The following DOCK6 variants were observed in gnomAD, a reference collection of about 807,000 sequenced individuals.
DOCK6 encodes dedicator of cytokinesis protein 6.
Under a neutral mutation model 230.3 loss-of-function variants are expected in DOCK6, and 167 were observed. The ratio of observed to expected loss-of-function variants is 0.73; its 90% CI spans 0.64 to 0.82. DOCK6 has a LOEUF of 0.82. Among genes scored for constraint, DOCK6 ranks in the 40% least tolerant of loss-of-function variants. DOCK6 has a pLI of 0.00. For synonymous variants in DOCK6, 1,148 were observed against 1,185.0 expected, an observed-to-expected ratio of 0.97 and a Z score of 0.64; for missense variants, 2,598 against 2,825.8, an observed-to-expected ratio of 0.92 and a Z score of 1.83.
At position 11,236,223 on chromosome 19, in the gene DOCK6, G is replaced by A. The variant is rs2079845157; in HGVS notation, c.2392+123C>T. Reference sequence around the variant, plus strand: ...CTTCTCTGGGTGCAGGGGACTGGAGGTCATTTTTCAGATGAGAAAAATGGC... The same window carrying A: ...CTTCTCTGGGTGCAGGGGACTGGAGATCATTTTTCAGATGAGAAAAATGGC... On this transcript the variant is annotated intron_variant, in intron 20 of 47. Transcript: ENST00000294618. This position sits in a 1 kb window ranked among gnomAD's most constrained non-coding sequence, Gnocchi z 5.2. 1.0e-6 allele frequency: 1 copy of A among 970,512 alleles called. No individual in the cohort carries two copies. The highest frequency in any genetic ancestry group is 1.5e-6 in the Non-Finnish European group (1 of 665,316). 60.1% of individuals were successfully genotyped at this position (970,512 alleles called of 1,614,324 possible). A position where few individuals can be genotyped will look rare whatever the true frequency, so the allele number is the denominator to read the frequency against.
Position 11,201,770 on chromosome 19 carries a change from G to A in DOCK6, c.5688+119C>T. The A allele has an allele frequency of 2.1e-6, 2 of 942,522 alleles. No individual in the cohort carries two copies. Among genetic ancestry groups the A allele is most frequent in the South Asian group, 3.2e-5 (2 of 62,120 alleles). The allele number at this position is 942,522 out of a possible 1,614,324, so 58.4% of individuals were successfully genotyped here. On this transcript the variant is annotated intron_variant, in intron 44 of 47. Coordinates refer to ENST00000294618, the MANE Select transcript of DOCK6 (RefSeq NM_020812.4). This position sits in a 1 kb window ranked among gnomAD's most constrained non-coding sequence, Gnocchi z 4.3. ...TAGGGTCCCTGTGCCACCCCTCTCT[G>A]GGTCTGAGGTCCGTGAACCACCTTG...
chr19:11,233,498 G>T, intron 21 of DOCK6, 132 bp from the exon 22 acceptor site: 1 of 1,169,568 alleles, frequency 8.6e-7, no homozygotes, highest in Non-Finnish European at 1.2e-6. Context: ...TATAAAATAG[G>T]CATAATGGCT....
intron 28 of DOCK6, chr19:11,221,581 T>G: frequency 4.1e-6 from 2 of 487,330 alleles, no homozygotes; most frequent in Non-Finnish European, 7.3e-6. Flanking sequence ...CCATCTATTG[T>G]AGGCTGACAA....
intron 1 of DOCK6, among the ~76,000 whole-genome samples, chr19:11,258,959 C>A (rs11671207): frequency 1.3e-5 from 2 of 151,464 alleles, no homozygotes; most frequent in Non-Finnish European, 2.9e-5. Flanking sequence ...GTTTCACCAT[C>A]TACAGACCCG....
rs772779851 is a variant in DOCK6, at chr19:11,200,304, G to A, written c.6101+4C>T. On this transcript the variant is annotated splice_donor_region_variant and intron_variant, in intron 47 of 47. Transcript: ENST00000294618. The surrounding 1 kb of genome is among the most constrained non-coding windows in gnomAD (Gnocchi z 4.3). Reference sequence around the variant, plus strand: ...CTCTAGGATGGGGGCACTAGGTCAGGCACCTGAGGCCGGGTGGGGTGGGTG... The same window carrying A: ...CTCTAGGATGGGGGCACTAGGTCAGACACCTGAGGCCGGGTGGGGTGGGTG... The A allele has an allele frequency of 3.2e-6, 5 of 1,559,710 alleles. No individual in the cohort carries two copies. Among genetic ancestry groups the A allele is most frequent in the Non-Finnish European group, 4.3e-6 (5 of 1,151,946 alleles).
Position 11,235,636 on chromosome 19 carries a change from G to A in DOCK6, c.2516C>T (p.Ala839Val). 1 of 1,604,382 alleles carries A rather than the reference G, an allele frequency of 6.2e-7. No homozygotes were observed. Residue 839 changes from alanine (A) to valine (V), a missense_variant, in exon 21 of 48, where the codon GCC becomes GTC. Ala to Val is a moderately conservative substitution (Grantham distance 64). Transcript: ENST00000294618. ...GGGCTCAGTGCCAGGAAGGCGAAAG[G>A]CGTAGTGGACGTAGGCAGCCAGCTG... ...CPQLAAYVHYAFRLPGTEPSL... is the reference protein window; with the variant it reads ...CPQLAAYVHYVFRLPGTEPSL...
At chr19:11,233,509 G>C in intron 21 of DOCK6, 143 bp from the exon 22 acceptor site, 1 of 1,090,594 alleles carries the variant, frequency 9.2e-7, no homozygotes, top group Non-Finnish European at 1.3e-6. Flanking sequence ...CATAATGGCT[G>C]CCGCCTCACA....
At chr19:11,255,877 C>T (rs1198448570) in intron 1 of DOCK6, among the ~76,000 whole-genome samples, 10 of 152,152 alleles carry the variant, frequency 6.6e-5, no homozygotes, top group Non-Finnish European at 1.5e-4. Context: ...AGCTCCGCCT[C>T]CCGGGTTCAC....
chr19:11,243,136 C>A lies in DOCK6; in HGVS notation c.1403G>T (p.Ser468Ile). 3 of 1,613,958 alleles carry A rather than the reference C, an allele frequency of 1.9e-6. No homozygotes were observed. Among genetic ancestry groups the A allele is most frequent in the Non-Finnish European group, 2.5e-6 (3 of 1,179,846 alleles). The change falls in exon 13 of 48, where the codon AGT (serine) becomes ATT (isoleucine). Residue 468 changes from serine to isoleucine, a missense_variant. By Grantham distance (142) the Ser-to-Ile change is moderately radical. Coordinates refer to ENST00000294618, the MANE Select transcript of DOCK6 (RefSeq NM_020812.4). The surrounding 1 kb of genome is among the most constrained non-coding windows in gnomAD (Gnocchi z 6.3). ...NFFKQEAERL[S>I]DEDLFKFLAD... ...CAGGAACTTGAAGAGGTCCTCGTCACTGAGTCGCTCAGCCTCCTACATGGG... is the reference window on the plus strand; with the variant it reads ...CAGGAACTTGAAGAGGTCCTCGTCAATGAGTCGCTCAGCCTCCTACATGGG...
rs181360215 is a variant in DOCK6, at chr19:11,242,857, T to C, written c.1480+202A>G. Among the ~76,000 whole-genome samples the C allele has an allele frequency of 6.6e-4, 101 of 152,282 alleles. 2 individuals are homozygous for C. The East Asian group carries it at 0.014, about 21-fold the overall frequency. On this transcript the variant is annotated intron_variant, in intron 13 of 47. Transcript: ENST00000294618. ...TGCCCCGCTGCCATTAACCACCTAT[T>C]GACGCTGTATCCATCTTATTTATTC...
rs750382885 is a variant in DOCK6 at position 11,237,458 on chromosome 19, C to T, written c.2071G>A (p.Asp691Asn). Residue 691 changes from aspartate to asparagine, a missense_variant and splice_region_variant, in exon 18 of 48, where the codon GAT becomes AAT. Transcript: ENST00000294618. Reference sequence around the variant, plus strand: ...GGCAGGAGCTCCAGGGCACATACATCGGGTGTGAGCACGGAATAGCTGGGC... The same window carrying T: ...GGCAGGAGCTCCAGGGCACATACATTGGGTGTGAGCACGGAATAGCTGGGC... ...PPPSYSVLTP[D>N]VALPGMRWVD... The T allele has an allele frequency of 5.0e-6, 8 of 1,613,506 alleles. No homozygotes were observed. Among genetic ancestry groups the T allele is most frequent in the South Asian group, 1.1e-5 (1 of 91,058 alleles).
chr19:11,218,312 A>G (rs1012912354), intron 28 of DOCK6, among the ~76,000 whole-genome samples: 2 of 151,878 alleles, frequency 1.3e-5, no homozygotes, highest in African/African-American at 4.8e-5. Flanking sequence ...GTGCATGGCT[A>G]ATTTTTGTAT....
In DOCK6 at chr19:11,242,066, T is replaced by C. The variant is rs1463634685; in HGVS notation, c.1622A>G (p.Tyr541Cys). 6 of 1,557,284 alleles carry C rather than the reference T, an allele frequency of 3.9e-6. No individual in the cohort carries two copies. Among genetic ancestry groups the C allele is most frequent in the Admixed American group, 2.3e-5 (1 of 43,876 alleles). The change falls in exon 14 of 48, where the codon TAT (tyrosine) becomes TGT (cysteine). Residue 541 changes from tyrosine to cysteine, a missense_variant. Physicochemically the swap from Tyr to Cys is radical, Grantham distance 194 (BLOSUM62 -2). Transcript: ENST00000294618. ...GTACCTGTAGCTGGTATGGGGGGCA[T>C]AGACTTCGCGGGCGGGGAACTCCAG... ...EILEFPAREV[Y>C]APHTSYRNLL...
At chr19:11,245,937 CA>C in intron 7 of DOCK6, 59 bp from the exon 8 acceptor site, 3 of 1,545,286 alleles carry the variant, frequency 1.9e-6, no homozygotes, top group Non-Finnish European at 2.6e-6. Context: ...CCACACACCC[CA>C]CTCCCTCTTG....
rs182630770 is a variant in DOCK6, at chr19:11,209,116, T to C, written c.4752-13A>G. On this transcript the variant is annotated splice_polypyrimidine_tract_variant and intron_variant, in intron 37 of 47. Transcript: ENST00000294618. ...GCCCCGGGCAATTCTGGAGTCCAGGTGAGGGGGGATGTGAGGAGGGGACTC... is the reference window on the plus strand; with the variant it reads ...GCCCCGGGCAATTCTGGAGTCCAGGCGAGGGGGGATGTGAGGAGGGGACTC... The C allele has an allele frequency of 3.8e-4, 619 of 1,608,004 alleles. 1 individual carries two copies. In the African/African-American group the frequency reaches 6.4e-3, roughly 17 times the overall value.
At chr19:11,257,116 A>G (rs778588991) in intron 1 of DOCK6, among the ~76,000 whole-genome samples, 1 of 151,494 alleles carries the variant, frequency 6.6e-6, no homozygotes, top group Non-Finnish European at 1.5e-5. Context: ...CCTCCTGAGT[A>G]GCTGGGACAA....
chr19:11,248,400 C>G (rs569167193), intron 6 of DOCK6, among the ~76,000 whole-genome samples: 1 of 151,972 alleles, frequency 6.6e-6, no homozygotes, highest in Admixed American at 6.6e-5. Context: ...TAGTAGGTGT[C>G]CATATATAGA....
At chr19:11,247,741 G>A (rs1378819116) in intron 7 of DOCK6, 1 of 214,428 alleles carries the variant, frequency 4.7e-6, no homozygotes, top group Non-Finnish European at 9.5e-6. Flanking sequence ...AGCCTTACAA[G>A]TTGTATGGTC....
In DOCK6 at chr19:11,222,956, T is replaced by C. The variant is rs750555102; in HGVS notation, c.3069+37A>G. ...GATGTCAACATTGCTCCGCCTTCCA[T>C]CCATGCCATGCCCACCCTGCCCACG... is the stretch of plus-strand genomic sequence containing the variant. On this transcript the variant is annotated intron_variant, in intron 25 of 47. Coordinates refer to ENST00000294618, the MANE Select transcript of DOCK6 (RefSeq NM_020812.4). This position sits in a 1 kb window ranked among gnomAD's most constrained non-coding sequence, Gnocchi z 4.0. 20 of 1,613,428 alleles carry C rather than the reference T, an allele frequency of 1.2e-5. No individual in the cohort carries two copies. Among genetic ancestry groups the C allele is most frequent in the Non-Finnish European group, 1.6e-5 (19 of 1,179,780 alleles).
Sources: gnomAD v4.1 joint callset for allele counts (sites outside exome capture counted in the v4.1 genomes callset) on GRCh38, gnomAD v4.1.1 for gene constraint, Gnocchi (gnomAD v3.1) non-coding constraint, MANE v1.5 for transcripts, NCBI Gene and HGNC (gene_info 2026-07-23, HGNC 2026-07-21) for gene names.